Variants in PEX14 observed in about 807,000 individuals in gnomAD.
The protein encoded by PEX14 is peroxisomal biogenesis factor 14, also known as peroxisomal membrane protein PEX14.
In PEX14, 15 loss-of-function variants were observed where a neutral mutation model predicts 49.5. That is an observed-to-expected ratio of 0.30 (90% CI 0.20 to 0.47). PEX14 has a LOEUF of 0.47. Among genes scored for constraint, PEX14 ranks in the 20% least tolerant of loss-of-function variants. The probability of loss-of-function intolerance (pLI) is 1.00; values close to 1 mark genes in which losing one functional copy is unlikely to be tolerated. For missense variants in PEX14, 398 were observed against 494.8 expected (o/e 0.80, Z 1.86); for synonymous variants, 210 against 212.7 (o/e 0.99, Z 0.11).
chr1:10,475,045 G>A (rs1450230252), intron 1 of PEX14, 43 bp downstream of exon 1: 2 of 1,570,216 alleles, frequency 1.3e-6, no homozygotes, highest in South Asian at 1.1e-5. Context: ...GGAGACCCCG[G>A]CTGGAGGGGG....
chr1:10,484,781 A>G lies in PEX14; in HGVS notation c.36+9779A>G, dbSNP rs1641340542. 2.0e-5 allele frequency among the ~76,000 whole-genome samples: 3 copies of G among 151,600 alleles called. 1 individual carries two copies. The highest frequency in any genetic ancestry group is 7.3e-5 in the African/African-American group (3 of 40,952). On this transcript the variant is annotated intron_variant, in intron 1 of 8. Coordinates refer to ENST00000356607, the MANE Select transcript of PEX14 (RefSeq NM_004565.3). ...GGTTGTTGGTGGCATTCAGTTCCTT[A>G]TGGACCATGAGACTGGAGACTTTAG...
rs59342388 is a variant in PEX14, at chr1:10,503,281, CAAAAAAAAAAAA to C, written c.84+7974_84+7985del. 1.7e-3 allele frequency among the ~76,000 whole-genome samples: 128 copies of C among 75,484 alleles called. 1 individual carries two copies. Among genetic ancestry groups the C allele is most frequent in the African/African-American group, 7.0e-3 (121 of 17,296 alleles). 49.5% of individuals were successfully genotyped at this position (75,484 alleles called of 152,430 possible). A position where few individuals can be genotyped will look rare whatever the true frequency, so the allele number is the denominator to read the frequency against. On this transcript the variant is annotated intron_variant, in intron 2 of 8. Transcript: ENST00000356607. ...TGGGCAACAGAGCAAGACTCTGTCTCAAAAAAAAAAAAAAAAAAAAAAAAAGAAAGAAAGAAA... is the reference window on the plus strand; with the variant it reads ...TGGGCAACAGAGCAAGACTCTGTCTCAAAAAAAAAAAAAGAAAGAAAGAAA...
chr1:10,540,711 A>C (rs561125590), intron 3 of PEX14, among the ~76,000 whole-genome samples: 93 of 152,306 alleles, frequency 6.1e-4, no homozygotes, highest in Non-Finnish European at 1.1e-3. Context: ...CTTTTCACAA[A>C]GCTTTTCTTC....
chr1:10,500,352 C>T (rs373682770), intron 2 of PEX14, among the ~76,000 whole-genome samples: 64 of 111,288 alleles, frequency 5.8e-4, no homozygotes, highest in Non-Finnish European at 8.1e-4. Flanking sequence ...GCAGCCTGGG[C>T]GACAGAGCCA....
intron 3 of PEX14, among the ~76,000 whole-genome samples, chr1:10,589,826 A>G (rs757737593): frequency 2.6e-5 from 4 of 152,168 alleles, no homozygotes; most frequent in African/African-American, 9.7e-5. Context: ...GTGACTTCCA[A>G]AGTTTCTCAG....
At chr1:10,612,468 A>G (rs1207866470) in intron 4 of PEX14, among the ~76,000 whole-genome samples, 3 of 152,298 alleles carry the variant, frequency 2.0e-5, no homozygotes, top group South Asian at 2.1e-4. Flanking sequence ...ATTGTCTTTC[A>G]TGGGATGTAC....
At chr1:10,547,470 T>C (rs747101924) in intron 3 of PEX14, among the ~76,000 whole-genome samples, 1 of 152,174 alleles carries the variant, frequency 6.6e-6, no homozygotes, top group Non-Finnish European at 1.5e-5. Context: ...GTCCCCGCCT[T>C]AACCACGGAG....
At chr1:10,593,452 G>T (rs1475869455) in intron 3 of PEX14, among the ~76,000 whole-genome samples, 1 of 152,088 alleles carries the variant, frequency 6.6e-6, no homozygotes, top group Non-Finnish European at 1.5e-5. Flanking sequence ...AGAGGGGAAA[G>T]TCTCAGGTCT....
At chr1:10,545,611 A>G (rs1049186656) in intron 3 of PEX14, among the ~76,000 whole-genome samples, 1 of 152,240 alleles carries the variant, frequency 6.6e-6, no homozygotes, top group Non-Finnish European at 1.5e-5. Context: ...TGCATAAACT[A>G]TCTGGGTTTG....
At chr1:10,534,189 C>A (rs570489863) in intron 2 of PEX14, among the ~76,000 whole-genome samples, 2 of 152,204 alleles carry the variant, frequency 1.3e-5, no homozygotes, top group Non-Finnish European at 2.9e-5. Context: ...CCGCATGATA[C>A]GAGTAGTGTA....
At position 10,599,090 on chromosome 1, in the gene PEX14, G is replaced by C. The variant is rs1290259125; in HGVS notation, c.170-148G>C. 2.9e-5 allele frequency: 22 copies of C among 771,810 alleles called. No individual in the cohort carries two copies. In the East Asian group the frequency reaches 5.3e-4, roughly 19 times the overall value. The allele number at this position is 771,810 out of a possible 1,614,324, so 47.8% of individuals were successfully genotyped here. A position where few individuals can be genotyped will look rare whatever the true frequency, so the allele number is the denominator to read the frequency against. On this transcript the variant is annotated intron_variant, in intron 3 of 8. Coordinates refer to ENST00000356607, the MANE Select transcript of PEX14 (RefSeq NM_004565.3). Reference sequence around the variant, plus strand: ...TTAAGGTTAAATTGCAACTGAGAGAGGTTCCGGAGAATCTGAAATCGGGGA... The same window carrying C: ...TTAAGGTTAAATTGCAACTGAGAGACGTTCCGGAGAATCTGAAATCGGGGA...
intron 1 of PEX14, among the ~76,000 whole-genome samples, chr1:10,482,644 G>T (rs1242455963): frequency 1.3e-5 from 2 of 151,798 alleles, no homozygotes; most frequent in African/African-American, 4.8e-5. Context: ...ATGTTGGCCA[G>T]GATGGTCTCG....
At chr1:10,536,693 T>G (rs768650915) in intron 3 of PEX14, 82 of 232,036 alleles carry the variant, frequency 3.5e-4, no homozygotes, top group Non-Finnish European at 6.6e-4. Context: ...GAGAAAGAAA[T>G]GAAGGGCGAG....
chr1:10,582,174 C>T (rs1001652126), intron 3 of PEX14, among the ~76,000 whole-genome samples: 2 of 151,322 alleles, frequency 1.3e-5, no homozygotes, highest in African/African-American at 4.9e-5. Flanking sequence ...TTATGATAAA[C>T]AGCTTTTTTT....
At chr1:10,497,303 A>G (rs1641586287) in intron 2 of PEX14, among the ~76,000 whole-genome samples, 2 of 152,118 alleles carry the variant, frequency 1.3e-5, no homozygotes, top group African/African-American at 2.4e-5. Flanking sequence ...GGGGCACAAG[A>G]TGGGCAGCCC....
At position 10,623,187 on chromosome 1, in the gene PEX14, C is replaced by G. The variant is rs1467781601; in HGVS notation, c.487+66C>G. 4.2e-6 allele frequency: 4 copies of G among 952,220 alleles called. No homozygotes were observed. The highest frequency in any genetic ancestry group is 6.7e-6 in the Non-Finnish European group (4 of 592,786). 59.0% of individuals were successfully genotyped at this position (952,220 alleles called of 1,614,324 possible). A position where few individuals can be genotyped will look rare whatever the true frequency, so the allele number is the denominator to read the frequency against. ...TCTCCAAGCAGCCCCTTCTCTGCCC[C>G]TCCCCTCTCCCTCTGTCTCCACTCT... On this transcript the variant is annotated intron_variant, in intron 6 of 8. Transcript: ENST00000356607. The surrounding 1 kb of genome is among the most constrained non-coding windows in gnomAD (Gnocchi z 4.4).
intron 2 of PEX14, among the ~76,000 whole-genome samples, chr1:10,501,927 C>T (rs934466172): frequency 1.4e-4 from 22 of 151,940 alleles, no homozygotes; most frequent in Admixed American, 1.3e-3. Context: ...CACCCCCCTG[C>T]CCAAACAGTA....
chr1:10,572,577 C>A (rs911861674), intron 3 of PEX14, among the ~76,000 whole-genome samples: 16 of 152,192 alleles, frequency 1.1e-4, no homozygotes, highest in African/African-American at 3.9e-4. Flanking sequence ...TGCTGTCACC[C>A]AGGCTGGAGT....
chr1:10,603,005 T>A (rs1329229434), intron 4 of PEX14, among the ~76,000 whole-genome samples: 1 of 152,196 alleles, frequency 6.6e-6, no homozygotes, highest in Non-Finnish European at 1.5e-5. Flanking sequence ...GGGTAGCTTT[T>A]CCAAGACCAC....
Sources: gnomAD v4.1 joint callset for allele counts (sites outside exome capture counted in the v4.1 genomes callset) on GRCh38, gnomAD v4.1.1 for gene constraint, Gnocchi (gnomAD v3.1) non-coding constraint, MANE v1.5 for transcripts, NCBI Gene and HGNC (gene_info 2026-07-23, HGNC 2026-07-21) for gene names.